The following MAP3K7CL variants were observed in gnomAD, a reference collection of about 807,000 sequenced individuals.
MAP3K7CL encodes MAP3K7 C-terminal like, also known as MAP3K7 C-terminal-like protein.
Under a neutral mutation model 18.6 loss-of-function variants are expected in MAP3K7CL, and 16 were observed. The ratio of observed to expected loss-of-function variants is 0.86; its 90% CI spans 0.58 to 1.31. The LOEUF (loss-of-function observed/expected upper bound fraction) is 1.31, where lower values mean the gene tolerates loss of function less well. Ranked by LOEUF, MAP3K7CL falls within the 50% of genes most tolerant of loss-of-function variation. MAP3K7CL has a pLI of 0.00. For synonymous variants in MAP3K7CL, 65 were observed against 66.8 expected (o/e 0.97, Z 0.13); for missense variants, 163 against 174.4 (o/e 0.93, Z 0.37).
At chr21:29,160,584 A>G (rs574665831) in intron 4 of MAP3K7CL, among the ~76,000 whole-genome samples, 2 of 152,342 alleles carry the variant, frequency 1.3e-5, no homozygotes, top group East Asian at 3.9e-4. Context: ...TTACTCACTC[A>G]TAACTTTTTG....
upstream of MAP3K7CL, among the ~76,000 whole-genome samples, chr21:29,084,856 C>T (rs367908056): frequency 4.9e-4 from 75 of 152,198 alleles, no homozygotes; most frequent in South Asian, 0.014. Flanking sequence ...ATAGTCTAAA[C>T]GCAATTAGAA....
chr21:29,146,464 C>G (rs940291211), intron 2 of MAP3K7CL, among the ~76,000 whole-genome samples: 1 of 152,214 alleles, frequency 6.6e-6, no homozygotes, highest in Middle Eastern at 3.4e-3. Context: ...TTATTTTTGC[C>G]TTTTGTCCAA....
intron 4 of MAP3K7CL, among the ~76,000 whole-genome samples, chr21:29,105,158 A>T (rs2086299137): frequency 6.6e-6 from 1 of 152,180 alleles, no homozygotes; most frequent in Non-Finnish European, 1.5e-5. Context: ...TCTCTGGGCA[A>T]TTCCTCATTT....
chr21:29,149,228 C>A lies in MAP3K7CL; in HGVS notation c.110C>A (p.Pro37Gln), dbSNP rs756888459. The A allele has an allele frequency of 1.9e-6, 3 of 1,613,836 alleles. No individual in the cohort carries two copies. In the South Asian group the frequency reaches 3.3e-5, roughly 18 times the overall value. The change falls in exon 3 of 5, where the codon CCA (proline) becomes CAA (glutamine). Residue 37 changes from proline to glutamine, a missense_variant. Coordinates refer to ENST00000399928, the MANE Select transcript of MAP3K7CL (RefSeq NM_001286620.2). The part of the protein sequence containing the change: ...PPEDSIPLVF[P>Q]ELDQQLQPLP... ...GAAGACTCCATTCCTTTGGTCTTTCCAGAATTAGACCAGCAGCTACAGGTA... is the reference window on the plus strand; with the variant it reads ...GAAGACTCCATTCCTTTGGTCTTTCAAGAATTAGACCAGCAGCTACAGGTA...
At chr21:29,121,101 C>G (rs537452433) in intron 4 of MAP3K7CL, among the ~76,000 whole-genome samples, 69 of 103,736 alleles carry the variant, frequency 6.7e-4, no homozygotes, top group Non-Finnish European at 1.3e-3. Flanking sequence ...CTTTCTTACC[C>G]AACTTCATTC....
At chr21:29,109,732 A>G in intron 4 of MAP3K7CL, 1 of 985,850 alleles carries the variant, frequency 1.0e-6, no homozygotes, top group Non-Finnish European at 1.2e-6. Context: ...AAACAGTTAT[A>G]TCTCAAGCTG....
chr21:29,085,782 A>G (rs2085914965), upstream of MAP3K7CL: 4 of 1,438,402 alleles, frequency 2.8e-6, no homozygotes, highest in East Asian at 4.6e-5. Flanking sequence ...GATGGCTTTG[A>G]TGCAGAATCA....
chr21:29,123,046 AGAAATGATCTT>A (rs1192088098), intron 4 of MAP3K7CL, among the ~76,000 whole-genome samples: 5 of 78,848 alleles, frequency 6.3e-5, no homozygotes, highest in Non-Finnish European at 1.1e-4. Context: ...ATACTGGAGA[AGAAATGATCTT>A]TTTTTTTTTT....
rs554782191 is a variant in MAP3K7CL at position 29,160,638 on chromosome 21, C to T, written c.248+582C>T. On this transcript the variant is annotated intron_variant, in intron 4 of 4. Transcript: ENST00000399928. The stretch of plus-strand genomic sequence containing the variant: ...TAATTGCACTTGATTCCGCCAGTGC[C>T]TACCCCAGTGAATCCCATTCTTTTA... Among the ~76,000 whole-genome samples the T allele has an allele frequency of 2.6e-5, 4 of 152,316 alleles. No homozygotes were observed. The East Asian group carries it at 5.8e-4, about 22-fold the overall frequency.
At chr21:29,139,643 G>A (rs966105676) in intron 2 of MAP3K7CL, among the ~76,000 whole-genome samples, 1 of 152,060 alleles carries the variant, frequency 6.6e-6, no homozygotes, top group Non-Finnish European at 1.5e-5. Flanking sequence ...GGAGTGCAGT[G>A]GTGTGATCTC....
rs553302232 is a variant in MAP3K7CL, at chr21:29,087,595, T to C, written c.57+1678T>C. 2.5e-3 allele frequency among the ~76,000 whole-genome samples: 356 copies of C among 144,554 alleles called. 1 individual carries two copies. The highest frequency in any genetic ancestry group is 7.4e-3 in the African/African-American group (287 of 38,862). The allele number at this position is 144,554 out of a possible 152,430, so 94.8% of individuals were successfully genotyped here. A position where few individuals can be genotyped will look rare whatever the true frequency, so the allele number is the denominator to read the frequency against. On this transcript the variant is annotated intron_variant, in intron 1 of 6. Coordinates refer to the MAP3K7CL transcript ENST00000286791. ...TAATGCTCATTTTCTTTTTCTTTTT[T>C]TTTTTTTTTTTTTTTTGAGACAGAG... is the stretch of plus-strand genomic sequence containing the variant.
chr21:29,102,669 G>A (rs1009217326), intron 4 of MAP3K7CL: 3 of 151,982 alleles, frequency 2.0e-5, no homozygotes, highest in African/African-American at 7.3e-5. Context: ...AGCCCCAAAA[G>A]GGGGGAGACT....
chr21:29,142,016 G>A (rs72613603), intron 2 of MAP3K7CL, among the ~76,000 whole-genome samples: 17,879 of 151,404 alleles, frequency 0.12, 1,414 homozygotes, highest in East Asian at 0.4. Flanking sequence ...CCTTTTATGC[G>A]TAAGTTAATT....
intron 4 of MAP3K7CL, among the ~76,000 whole-genome samples, chr21:29,112,313 A>G (rs2086432892): frequency 6.6e-6 from 1 of 152,178 alleles, no homozygotes; most frequent in Admixed American, 6.5e-5. Flanking sequence ...TTAAAATAAA[A>G]TAAAATAAAA....
chr21:29,132,908 G>C (rs932103890), intron 1 of MAP3K7CL, among the ~76,000 whole-genome samples: 1 of 152,174 alleles, frequency 6.6e-6, no homozygotes, highest in Admixed American at 6.5e-5. Flanking sequence ...TGAAAAGCAA[G>C]TCTAATCTGA....
chr21:29,152,234 G>A (rs1257879075), intron 3 of MAP3K7CL, among the ~76,000 whole-genome samples: 2 of 152,200 alleles, frequency 1.3e-5, no homozygotes, highest in Admixed American at 6.5e-5. Flanking sequence ...GACGATGATG[G>A]TTGGGAGGAG....
chr21:29,164,975 A>C (rs2087649333), intron 4 of MAP3K7CL, among the ~76,000 whole-genome samples: 2 of 152,312 alleles, frequency 1.3e-5, no homozygotes, highest in East Asian at 3.9e-4. Flanking sequence ...TTTCTACAAC[A>C]TACCTAGCTT....
At chr21:29,145,959 G>A (rs1041043321) in intron 2 of MAP3K7CL, among the ~76,000 whole-genome samples, 2 of 152,050 alleles carry the variant, frequency 1.3e-5, no homozygotes, top group Non-Finnish European at 2.9e-5. Flanking sequence ...GTGACATGGC[G>A]TGACTATAAA....
chr21:29,170,899 A>G (rs2087810284), intron 4 of MAP3K7CL, among the ~76,000 whole-genome samples: 1 of 149,984 alleles, frequency 6.7e-6, no homozygotes, highest in South Asian at 2.1e-4. Flanking sequence ...TCGGCCTCTC[A>G]AAGTGCTGGA....
Sources: gnomAD v4.1 joint callset for allele counts (sites outside exome capture counted in the v4.1 genomes callset) on GRCh38, gnomAD v4.1.1 for gene constraint, MANE v1.5 for transcripts, NCBI Gene and HGNC (gene_info 2026-07-23, HGNC 2026-07-21) for gene names.